PLCD1: variants seen among roughly 807,000 people sequenced by gnomAD.
The protein encoded by PLCD1 is 1-phosphatidylinositol 4,5-bisphosphate phosphodiesterase delta-1.
In PLCD1, 71 loss-of-function variants were observed where a neutral mutation model predicts 87.4. That is an observed-to-expected ratio of 0.81 (90% CI 0.67 to 0.99). The LOEUF (loss-of-function observed/expected upper bound fraction) is 0.99. Ranked by LOEUF, PLCD1 falls within the 50% of genes least tolerant of loss-of-function variation. The pLI is 0.00. For synonymous variants in PLCD1, 348 were observed against 399.2 expected, an observed-to-expected ratio of 0.87 and a Z score of 1.53; for missense variants, 867 against 1,001.5, an observed-to-expected ratio of 0.87 and a Z score of 1.81.
At position 38,007,684 on chromosome 3, in the gene PLCD1, G is replaced by C; in HGVS notation, c.*89C>G. The stretch of plus-strand genomic sequence containing the variant: ...AATTTGGGGGCCTAGCTCTGAGCAA[G>C]AGGCTGGGAGCAGCCACACCAGCCC... On this transcript the variant is annotated 3_prime_UTR_variant, in exon 15 of 15. Coordinates refer to ENST00000334661, the MANE Select transcript of PLCD1 (RefSeq NM_006225.4). 1 of 1,000,716 alleles carries C rather than the reference G, an allele frequency of 1.0e-6. No individual in the cohort carries two copies. Among genetic ancestry groups the C allele is most frequent in the Non-Finnish European group, 1.6e-6 (1 of 631,640 alleles). The allele number at this position is 1,000,716 out of a possible 1,614,324, so 62.0% of individuals were successfully genotyped here.
At chr3:38,024,537 C>G in intron 1 of PLCD1, 1 of 1,514,560 alleles carries the variant, frequency 6.6e-7, no homozygotes, top group Non-Finnish European at 8.8e-7. Context: ...GGGGGCGGAA[C>G]TGTCGCCCTT....
In PLCD1 at chr3:38,025,961, A is replaced by C. The variant is rs1045017704; in HGVS notation, c.34+3545T>G. 3.3e-5 allele frequency among the ~76,000 whole-genome samples: 5 copies of C among 152,262 alleles called. No homozygotes were observed. The highest frequency in any genetic ancestry group is 5.9e-5 in the Non-Finnish European group (4 of 68,040). On this transcript the variant is annotated intron_variant, in intron 1 of 14. Transcript: ENST00000334661. The surrounding 1 kb of genome is among the most constrained non-coding windows in gnomAD (Gnocchi z 4.0). ...CAGTAATAACAAGAAACTGAAGCGCAGAGTAACTTGCCTAAGGTCATATCA... is the reference window on the plus strand; with the variant it reads ...CAGTAATAACAAGAAACTGAAGCGCCGAGTAACTTGCCTAAGGTCATATCA...
rs770214631 is a variant in PLCD1 at position 38,008,596 on chromosome 3, C to G, written c.1764G>C (p.Val588=). The change falls in exon 12 of 15, where the codon GTG becomes GTC. Residue 588 remains valine (V), a synonymous_variant. Coordinates refer to ENST00000334661, the MANE Select transcript of PLCD1 (RefSeq NM_006225.4). ...NFQTPGPEMD[V]YQGRFQDNGA... ...CGTTGTCCTGGAAGCGGCCCTGGTA[C>G]ACGTCCATCTCTGGCCCAGGTGTCT... 1 of 1,614,210 alleles carries G rather than the reference C, an allele frequency of 6.2e-7. No homozygotes were observed. Among genetic ancestry groups the G allele is most frequent in the Non-Finnish European group, 8.5e-7 (1 of 1,180,012 alleles).
intron 5 of PLCD1, 136 bp from the exon 6 acceptor site, chr3:38,010,698 T>C: frequency 1.4e-6 from 1 of 700,342 alleles, no homozygotes; most frequent in Non-Finnish European, 2.4e-6. Context: ...GCTCTTGGAA[T>C]TAGGATAAGT....
Position 38,009,307 on chromosome 3 carries a change from G to C in PLCD1, c.1571C>G (p.Ser524Cys). 6.2e-7 allele frequency: 1 copy of C among 1,614,208 alleles called. No individual in the cohort carries two copies. Among genetic ancestry groups the C allele is most frequent in the Non-Finnish European group, 8.5e-7 (1 of 1,180,040 alleles). The change falls in exon 10 of 15, where the codon TCT becomes TGT. Residue 524 changes from serine (S) to cysteine (C), a missense_variant. Coordinates refer to ENST00000334661, the MANE Select transcript of PLCD1 (RefSeq NM_006225.4). ...GAGCAGTCGAAGGGCACGGTTCTCA[G>C]AGAAGGACGCCATCTCGTAGAAGGC... ...GQAFYEMASFSENRALRLLQE... is the reference protein window; with the variant it reads ...GQAFYEMASFCENRALRLLQE...
Position 38,026,927 on chromosome 3 carries a change from GT to G in PLCD1, c.34+2578del, listed in dbSNP as rs1298839088. Reference sequence around the variant, plus strand: ...CCAAGATGAGGCCCCTCTATTTTCTGTTTTTACAAACGGCACCTCTTGCAGG... The same window carrying G: ...CCAAGATGAGGCCCCTCTATTTTCTGTTTTACAAACGGCACCTCTTGCAGG... On this transcript the variant is annotated intron_variant, in intron 1 of 14. Transcript: ENST00000334661. 2.0e-5 allele frequency among the ~76,000 whole-genome samples: 3 copies of G among 152,156 alleles called. No homozygotes were observed. The South Asian group carries it at 6.2e-4, about 31-fold the overall frequency.
In PLCD1 at chr3:38,018,572, C is replaced by T. The variant is rs1700190122; in HGVS notation, c.199+1616G>A. ...TCCTGCGGGGAAAGGCCTGGGTCTTCCACTCCTCTATCTCCCCTCTCATGC... is the reference window on the plus strand; with the variant it reads ...TCCTGCGGGGAAAGGCCTGGGTCTTTCACTCCTCTATCTCCCCTCTCATGC... On this transcript the variant is annotated intron_variant, in intron 2 of 14. Coordinates refer to ENST00000334661, the MANE Select transcript of PLCD1 (RefSeq NM_006225.4). The surrounding 1 kb of genome is among the most constrained non-coding windows in gnomAD (Gnocchi z 5.7). Among the ~76,000 whole-genome samples the T allele has an allele frequency of 6.6e-6, 1 of 152,170 alleles. No individual in the cohort carries two copies. Among genetic ancestry groups the T allele is most frequent in the Admixed American group, 6.5e-5 (1 of 15,282 alleles).
At chr3:38,022,317 G>C (rs1700247506) in intron 1 of PLCD1, among the ~76,000 whole-genome samples, 1 of 152,232 alleles carries the variant, frequency 6.6e-6, no homozygotes, top group African/African-American at 2.4e-5. Flanking sequence ...ACAAGAGGAG[G>C]CAGAAGGGAG....
At chr3:38,022,734 C>A (rs773520456) in intron 1 of PLCD1, among the ~76,000 whole-genome samples, 8 of 152,134 alleles carry the variant, frequency 5.3e-5, no homozygotes, top group Non-Finnish European at 8.8e-5. Flanking sequence ...ATTAGGAAAC[C>A]TGGGCAGGTG....
In PLCD1 at chr3:38,016,829, A is replaced by C. The variant is rs991442658; in HGVS notation, c.200-110T>G. On this transcript the variant is annotated intron_variant, in intron 2 of 14. Coordinates refer to ENST00000334661, the MANE Select transcript of PLCD1 (RefSeq NM_006225.4). ...AGAGGGGCATGGCTTGGAGACACAG[A>C]GCCAGGGCCGGAGCTCAGGCCTTGA... The C allele has an allele frequency of 8.6e-6, 7 of 810,868 alleles. No individual in the cohort carries two copies. The African/African-American group carries it at 1.2e-4, about 14-fold the overall frequency. 50.2% of individuals were successfully genotyped at this position (810,868 alleles called of 1,614,324 possible). A position where few individuals can be genotyped will look rare whatever the true frequency, so the allele number is the denominator to read the frequency against.
At chr3:38,012,736 T>G (rs1220543030) in intron 3 of PLCD1, among the ~76,000 whole-genome samples, 1 of 151,998 alleles carries the variant, frequency 6.6e-6, no homozygotes, top group African/African-American at 2.4e-5. Flanking sequence ...ATGCTGGTCT[T>G]GAACTCCTCA....
At position 38,016,646 on chromosome 3, in the gene PLCD1, C is replaced by T. The variant is rs765167557; in HGVS notation, c.273G>A (p.Val91=). 22 of 1,605,024 alleles carry T rather than the reference C, an allele frequency of 1.4e-5. 1 individual carries two copies. Among genetic ancestry groups the T allele is most frequent in the Admixed American group, 1.7e-5 (1 of 58,306 alleles). The change falls in exon 3 of 15, where the codon GTG becomes GTA. Residue 91 remains valine, a synonymous_variant. Coordinates refer to ENST00000334661, the MANE Select transcript of PLCD1 (RefSeq NM_006225.4). ...CAATGGAGAAGCAGCGGTCCTCGGG[C>T]ACATCACGGGCGAACTTCTCCAGAC... is the stretch of plus-strand genomic sequence containing the variant. ...TEGLEKFARD[V]PEDRCFSIVF...
At chr3:38,028,224 G>A (rs912444600) in intron 1 of PLCD1, among the ~76,000 whole-genome samples, 1 of 152,196 alleles carries the variant, frequency 6.6e-6, no homozygotes, top group Non-Finnish European at 1.5e-5. Flanking sequence ...TCTGGCAGGC[G>A]CACGAAAGAC....
chr3:38,024,702 T>C lies in PLCD1; in HGVS notation c.35-4350A>G, dbSNP rs1196520787. The C allele has an allele frequency of 4.1e-6, 6 of 1,479,192 alleles. No homozygotes were observed. The East Asian group carries it at 1.1e-4, about 27-fold the overall frequency. The allele number at this position is 1,479,192 out of a possible 1,614,324, so 91.6% of individuals were successfully genotyped here. On this transcript the variant is annotated intron_variant, in intron 1 of 14. Coordinates refer to ENST00000334661, the MANE Select transcript of PLCD1 (RefSeq NM_006225.4). ...GCTAGTCCACGAGCGGCGGGACCTA[T>C]GCCCCCTGAAGGTGAGGCGAGAGCG...
intron 3 of PLCD1, among the ~76,000 whole-genome samples, chr3:38,013,420 A>G (rs1365798327): frequency 6.6e-6 from 1 of 151,448 alleles, no homozygotes; most frequent in Non-Finnish European, 1.5e-5. Flanking sequence ...TCACCGTGTT[A>G]GCCAGGATGG....
At position 38,009,145 on chromosome 3, in the gene PLCD1, G is replaced by A. The variant is rs1324521994; in HGVS notation, c.1620C>T (p.Val540=). The change falls in exon 11 of 15, where the codon GTC becomes GTT. Residue 540 remains valine, a synonymous_variant. Transcript: ENST00000334661. Reference sequence around the variant, plus strand: ...TGCTCAGGTGCCCCACGTTGTGGCGGACAAAGCCGTTTCCTGAGGGGAGGT... The same window carrying A: ...TGCTCAGGTGCCCCACGTTGTGGCGAACAAAGCCGTTTCCTGAGGGGAGGT... ...RLLQESGNGF[V]RHNVGHLSRI... The A allele has an allele frequency of 6.2e-7, 1 of 1,614,170 alleles. No individual in the cohort carries two copies.
rs751328896 is a variant in PLCD1 at position 38,010,565 on chromosome 3, G to A, written c.791-3C>T. ...GGTCATCTGCCGCTGCGCCTTGGCT[G>A]GGAGGGAGGAGGCCACTGCCCGTCA... On this transcript the variant is annotated splice_polypyrimidine_tract_variant and splice_region_variant and intron_variant, in intron 5 of 14. Coordinates refer to ENST00000334661, the MANE Select transcript of PLCD1 (RefSeq NM_006225.4). 4.3e-6 allele frequency: 7 copies of A among 1,610,970 alleles called. No individual in the cohort carries two copies. In the Admixed American group the frequency reaches 1.2e-4, roughly 27 times the overall value.
intron 1 of PLCD1, chr3:38,024,426 C>T (rs1700278897): frequency 6.2e-7 from 1 of 1,612,024 alleles, no homozygotes; most frequent in East Asian, 2.2e-5. Context: ...GATCCCCAGG[C>T]ACTGCATGGC....
At position 38,009,375 on chromosome 3, in the gene PLCD1, A is replaced by C. The variant is rs767571817; in HGVS notation, c.1503T>G (p.Ser501Arg). ...GACTGGAGAAGCCCCCAAAGTGGAC[A>C]CTCTTGCAGTAAATGACCATGTCAG... ...ELSDMVIYCKSVHFGGFSSPG... is the reference protein window; with the variant it reads ...ELSDMVIYCKRVHFGGFSSPG... Residue 501 changes from serine (S) to arginine (R), a missense_variant, in exon 10 of 15, where the codon AGT (serine) becomes AGG (arginine). Ser to Arg is a moderately radical substitution (Grantham distance 110, BLOSUM62 -1). Transcript: ENST00000334661. The C allele has an allele frequency of 1.9e-5, 31 of 1,613,848 alleles. 1 individual carries two copies. The Admixed American group carries it at 5.2e-4, about 27-fold the overall frequency.
Sources: allele counts gnomAD v4.1 joint callset (sites outside exome capture counted in the v4.1 genomes callset), GRCh38; gene constraint gnomAD v4.1.1; non-coding constraint Gnocchi (gnomAD v3.1); transcripts MANE v1.5; gene names NCBI Gene and HGNC (gene_info 2026-07-23, HGNC 2026-07-21).